The following UBASH3A variants were observed in gnomAD, a reference collection of about 807,000 sequenced individuals.
The protein encoded by UBASH3A is ubiquitin associated and SH3 domain containing A.
In UBASH3A, 63 loss-of-function variants were observed where a neutral mutation model predicts 73.5. The observed-to-expected ratio is 0.86, with a 90% CI of 0.70 to 1.06. The LOEUF is 1.06. UBASH3A is among the 50% of genes least tolerant of loss of function. The pLI, the probability that UBASH3A is intolerant of heterozygous loss-of-function variation, is 0.00. For synonymous variants in UBASH3A, 363 were observed against 351.1 expected (o/e 1.03, Z -0.38); for missense variants, 860 against 859.0 (o/e 1.00, Z -0.02).
rs115830290 is a variant in UBASH3A at position 42,437,594 on chromosome 21, T to C, written c.1486+14T>C. On this transcript the variant is annotated intron_variant, in intron 11 of 14. Coordinates refer to ENST00000319294, the MANE Select transcript of UBASH3A (RefSeq NM_018961.4). ...TCATCCTGGAAGGTCAGTGAGAACC[T>C]CGGTGAGCCTCTCCTACTGCCTTGA... 1.8e-4 allele frequency: 293 copies of C among 1,610,880 alleles called. 1 individual carries two copies. In the African/African-American group the frequency reaches 3.4e-3, roughly 19 times the overall value.
intron 14 of UBASH3A, among the ~76,000 whole-genome samples, chr21:42,446,310 T>C (rs944479707): frequency 6.6e-6 from 1 of 152,154 alleles, no homozygotes; most frequent in African/African-American, 2.4e-5. Flanking sequence ...TACCAAATGA[T>C]GGGCCCCCAA....
Position 42,437,370 on chromosome 21 carries a change from G to C in UBASH3A, c.1394-118G>C, listed in dbSNP as rs1171587697. The C allele has an allele frequency of 9.9e-6, 8 of 808,040 alleles. No individual in the cohort carries two copies. In the East Asian group the frequency reaches 2.1e-4, roughly 21 times the overall value. The allele number at this position is 808,040 out of a possible 1,614,324, so 50.1% of individuals were successfully genotyped here. A position where few individuals can be genotyped will look rare whatever the true frequency, so the allele number is the denominator to read the frequency against. Reference sequence around the variant, plus strand: ...GGCTGTGCAGGGTGTGTCACACCAGGGGGTGGAAACCCGGGGCCCTTTGAG... The same window carrying C: ...GGCTGTGCAGGGTGTGTCACACCAGCGGGTGGAAACCCGGGGCCCTTTGAG... On this transcript the variant is annotated intron_variant, in intron 10 of 14. Coordinates refer to ENST00000319294, the MANE Select transcript of UBASH3A (RefSeq NM_018961.4).
At chr21:42,432,547 C>T (rs888426150) in intron 9 of UBASH3A, among the ~76,000 whole-genome samples, 5 of 152,210 alleles carry the variant, frequency 3.3e-5, no homozygotes, top group African/African-American at 9.6e-5. Context: ...TATAAATACA[C>T]ATACCCACAA....
At position 42,406,648 on chromosome 21, in the gene UBASH3A, A is replaced by G. The variant is rs183198610; in HGVS notation, c.167+287A>G. Among the ~76,000 whole-genome samples the G allele has an allele frequency of 2.0e-3, 300 of 152,358 alleles. 1 individual carries two copies. The highest frequency in any genetic ancestry group is 2.2e-3 in the Non-Finnish European group (148 of 68,030). The stretch of plus-strand genomic sequence containing the variant: ...TTTGACTGCCAAGAAGAACAGGTTC[A>G]TGTGCTTTGTTGAGTAAATGGGGAA... On this transcript the variant is annotated intron_variant, in intron 2 of 14. Coordinates refer to ENST00000319294, the MANE Select transcript of UBASH3A (RefSeq NM_018961.4).
intron 10 of UBASH3A, 127 bp downstream of exon 10, chr21:42,435,081 C>G (rs1002188755): frequency 8.0e-7 from 1 of 1,247,698 alleles, no homozygotes; most frequent in African/African-American, 1.5e-5. Flanking sequence ...CTCCAGTCTG[C>G]TGAGGAGGCT....
intron 14 of UBASH3A, among the ~76,000 whole-genome samples, chr21:42,446,034 C>T (rs1326606162): frequency 6.6e-6 from 1 of 152,182 alleles, no homozygotes; most frequent in Non-Finnish European, 1.5e-5. Flanking sequence ...CATACCAAGC[C>T]TCCAGCCCCA....
chr21:42,434,021 T>C (rs550447669), intron 9 of UBASH3A, among the ~76,000 whole-genome samples: 1 of 152,208 alleles, frequency 6.6e-6, no homozygotes, highest in East Asian at 1.9e-4. Context: ...CAGAGTGCAC[T>C]GGAGGGAGCA....
In UBASH3A at chr21:42,444,789, C is replaced by A. The variant is rs140935648; in HGVS notation, c.1848+146C>A. ...ACGTGCCCCCGGAGACTGTGCCCAC[C>A]GGCTCTTATGCGAAGGGTGACTTCG... On this transcript the variant is annotated intron_variant, in intron 14 of 14. Transcript: ENST00000319294. 1.2e-3 allele frequency: 820 copies of A among 681,568 alleles called. 1 individual carries two copies. Among genetic ancestry groups the A allele is most frequent in the Admixed American group, 3.5e-3 (155 of 44,352 alleles). 42.2% of individuals were successfully genotyped at this position (681,568 alleles called of 1,614,324 possible).
chr21:42,404,345 C>T (rs563721796), intron 1 of UBASH3A, among the ~76,000 whole-genome samples: 4 of 152,250 alleles, frequency 2.6e-5, no homozygotes, highest in Admixed American at 1.3e-4. Context: ...GTGTTGGCTG[C>T]CCAACACAAA....
At chr21:42,444,752 C>T (rs2053817979) in intron 14 of UBASH3A, 109 bp downstream of exon 14, 1 of 881,216 alleles carries the variant, frequency 1.1e-6, no homozygotes, top group Non-Finnish European at 1.9e-6. Flanking sequence ...TGACCCAGGG[C>T]CACCAGGATC....
In UBASH3A at chr21:42,447,219, C is replaced by T. The variant is rs1472118915; in HGVS notation, c.*25C>T. 1.9e-6 allele frequency: 3 copies of T among 1,608,902 alleles called. No individual in the cohort carries two copies. The highest frequency in any genetic ancestry group is 3.4e-5 in the Admixed American group (2 of 59,028). On this transcript the variant is annotated 3_prime_UTR_variant, in exon 15 of 15. Transcript: ENST00000319294. ...AGAGCCACGGTGATGTTGTCATAAC[C>T]TCAGAGTGGAGAGGCAGAAACCATG...
Position 42,418,639 on chromosome 21 carries a change from C to A in UBASH3A, c.1046+30C>A, listed in dbSNP as rs373553344. Reference sequence around the variant, plus strand: ...GTGCTGCCTCTGGCTGCAGCCCCGTCATCTCTCTCTGAGTTACTGTGTGAG... The same window carrying A: ...GTGCTGCCTCTGGCTGCAGCCCCGTAATCTCTCTCTGAGTTACTGTGTGAG... On this transcript the variant is annotated intron_variant, in intron 7 of 14. Transcript: ENST00000319294. 26 of 1,593,240 alleles carry A rather than the reference C, an allele frequency of 1.6e-5. 1 individual carries two copies. Among genetic ancestry groups the A allele is most frequent in the East Asian group, 1.1e-4 (5 of 44,138 alleles).
chr21:42,444,199 G>A (rs1008569219), intron 13 of UBASH3A, among the ~76,000 whole-genome samples: 4 of 152,198 alleles, frequency 2.6e-5, no homozygotes, highest in Non-Finnish European at 5.9e-5. Flanking sequence ...CCTTTCTAAA[G>A]TGAATCAGGT....
chr21:42,445,799 C>T (rs2053833940), intron 14 of UBASH3A, among the ~76,000 whole-genome samples: 1 of 152,154 alleles, frequency 6.6e-6, no homozygotes, highest in African/African-American at 2.4e-5. Flanking sequence ...TTCCGAGCGC[C>T]CTGGATTCTT....
At chr21:42,431,361 G>A (rs2053526281) in intron 8 of UBASH3A, among the ~76,000 whole-genome samples, 1 of 152,260 alleles carries the variant, frequency 6.6e-6, no homozygotes, top group East Asian at 1.9e-4. Flanking sequence ...GGGCGGGCGT[G>A]AGCCCTGTAA....
At chr21:42,415,374 T>C (rs2053180198) in intron 5 of UBASH3A, among the ~76,000 whole-genome samples, 1 of 152,310 alleles carries the variant, frequency 6.6e-6, no homozygotes, top group African/African-American at 2.4e-5. Flanking sequence ...CTCATGCTGC[T>C]CTGGGCTGTG....
chr21:42,411,013 G>C (rs977575932), intron 3 of UBASH3A, among the ~76,000 whole-genome samples: 13 of 140,230 alleles, frequency 9.3e-5, no homozygotes, highest in Non-Finnish European at 1.4e-4. Context: ...TAGACACACA[G>C]ACACACACAG....
intron 7 of UBASH3A, 144 bp downstream of exon 7, chr21:42,418,753 A>G (rs2053274913): frequency 2.7e-6 from 2 of 736,534 alleles, no homozygotes; most frequent in Non-Finnish European, 4.4e-6. Context: ...TCCTGCAGGT[A>G]TATAGTAAAC....
chr21:42,426,101 G>C (rs1343585002), intron 7 of UBASH3A, among the ~76,000 whole-genome samples: 1 of 152,168 alleles, frequency 6.6e-6, no homozygotes, highest in African/African-American at 2.4e-5. Flanking sequence ...GGGAAGAGTT[G>C]AGGTTACAGC....
Sources: gnomAD v4.1 joint callset for allele counts (sites outside exome capture counted in the v4.1 genomes callset) on GRCh38, gnomAD v4.1.1 for gene constraint, MANE v1.5 for transcripts, NCBI Gene and HGNC (gene_info 2026-07-23, HGNC 2026-07-21) for gene names.